The following SCFD2 variants were observed in gnomAD, a reference collection of about 807,000 sequenced individuals.
SCFD2 encodes sec1 family domain-containing protein 2.
Under a neutral mutation model 58.9 loss-of-function variants are expected in SCFD2, and 54 were observed. The observed-to-expected ratio is 0.92, with a 90% CI of 0.74 to 1.15. The LOEUF (loss-of-function observed/expected upper bound fraction) is 1.15. Ranked by LOEUF, SCFD2 falls within the 50% of genes most tolerant of loss-of-function variation. The pLI, the probability that SCFD2 is intolerant of heterozygous loss-of-function variation, is 0.00. For missense variants in SCFD2, 805 were observed against 836.6 expected (o/e 0.96, Z 0.47); for synonymous variants, 321 against 335.9 (o/e 0.96, Z 0.49).
At chr4:53,032,564 C>T (rs1343722934) in intron 5 of SCFD2, among the ~76,000 whole-genome samples, 2 of 152,130 alleles carry the variant, frequency 1.3e-5, no homozygotes, top group Non-Finnish European at 2.9e-5. Context: ...TGCAAAGACA[C>T]ACATAAGCTC....
At chr4:53,139,757 G>T (rs62570978) in intron 5 of SCFD2, among the ~76,000 whole-genome samples, 5 of 151,670 alleles carry the variant, frequency 3.3e-5, no homozygotes, top group African/African-American at 1.2e-4. Context: ...TGGTTTTGTC[G>T]AATAGAAAGG....
Position 52,943,202 on chromosome 4 carries a change from CTG to C in SCFD2, c.1562-22334_1562-22333del, listed in dbSNP as rs149475263. ...TTCCAAACATCCCATATTAAAGAAA[CTG>C]TCAGTAACTCATGCCTTAAACAAAA... On this transcript the variant is annotated intron_variant, in intron 5 of 8. Coordinates refer to ENST00000401642, the MANE Select transcript of SCFD2 (RefSeq NM_152540.4). Among the ~76,000 whole-genome samples, 4 of 151,462 alleles carry C rather than the reference CTG, an allele frequency of 2.6e-5. No individual in the cohort carries two copies. In the East Asian group the frequency reaches 5.8e-4, roughly 22 times the overall value.
At chr4:53,149,264 G>A (rs2148916425) in intron 4 of SCFD2, among the ~76,000 whole-genome samples, 1 of 152,282 alleles carries the variant, frequency 6.6e-6, no homozygotes, top group African/African-American at 2.4e-5. Context: ...AATTCAAGAT[G>A]AGTCTGCAAA....
At chr4:52,986,384 T>C (rs925445714) in intron 5 of SCFD2, among the ~76,000 whole-genome samples, 3 of 151,888 alleles carry the variant, frequency 2.0e-5, no homozygotes, top group African/African-American at 4.8e-5. Context: ...GAGCTTGTGA[T>C]AGAAGTCAAT....
At position 52,920,730 on chromosome 4, in the gene SCFD2, G is replaced by A; in HGVS notation, c.1702C>T (p.His568Tyr). 1.9e-6 allele frequency: 3 copies of A among 1,598,682 alleles called. No homozygotes were observed. The highest frequency in any genetic ancestry group is 2.6e-6 in the Non-Finnish European group (3 of 1,171,196). ...TTTAAAACGTATATACTTGCCTGGT[G>A]GGTATGATTTCCAGGAACATATACA... ...KSVYVPGNHTHQASYKPLLKQ... is the reference protein window; with the variant it reads ...KSVYVPGNHTYQASYKPLLKQ... The change falls in exon 6 of 9, where the codon CAC becomes TAC. Residue 568 changes from histidine (H) to tyrosine (Y), a missense_variant. His to Tyr is a moderately conservative substitution (Grantham distance 83). Coordinates refer to ENST00000401642, the MANE Select transcript of SCFD2 (RefSeq NM_152540.4).
At chr4:53,335,191 T>C (rs1279289226) in intron 2 of SCFD2, among the ~76,000 whole-genome samples, 2 of 35,222 alleles carry the variant, frequency 5.7e-5, no homozygotes, top group South Asian at 1.7e-3. Context: ...TGAGACTCCG[T>C]CTCAAAAAAA....
rs571456431 is a variant in SCFD2 at position 52,927,049 on chromosome 4, T to C, written c.1562-6179A>G. ...CTGACTGTATAAAACCCCTCTTGAG[T>C]AGGACAGTCCCGGGAAGTGCATAAG... On this transcript the variant is annotated intron_variant, in intron 5 of 8. Coordinates refer to ENST00000401642, the MANE Select transcript of SCFD2 (RefSeq NM_152540.4). 2.3e-4 allele frequency among the ~76,000 whole-genome samples: 35 copies of C among 152,202 alleles called. 1 individual carries two copies. In the South Asian group the frequency reaches 6.4e-3, roughly 28 times the overall value.
intron 5 of SCFD2, among the ~76,000 whole-genome samples, chr4:53,073,341 T>C (rs898929389): frequency 3.9e-5 from 6 of 152,142 alleles, no homozygotes; most frequent in Non-Finnish European, 8.8e-5. Context: ...GGGATGATTG[T>C]ATGTGTTATT....
intron 4 of SCFD2, among the ~76,000 whole-genome samples, chr4:53,189,471 G>C (rs572068339): frequency 6.6e-6 from 1 of 152,274 alleles, no homozygotes; most frequent in African/African-American, 2.4e-5. Flanking sequence ...GGACTGGGTA[G>C]CTTAAACAAG....
At chr4:53,016,185 A>G (rs1449567077) in intron 5 of SCFD2, among the ~76,000 whole-genome samples, 1 of 152,376 alleles carries the variant, frequency 6.6e-6, no homozygotes, top group Middle Eastern at 3.4e-3. Flanking sequence ...AAGCTCTCAG[A>G]ATAATGAGAA....
intron 4 of SCFD2, among the ~76,000 whole-genome samples, chr4:53,258,208 T>C (rs1193738193): frequency 3.9e-5 from 6 of 152,162 alleles, no homozygotes; most frequent in East Asian, 1.9e-4. Flanking sequence ...GAGAAACAAA[T>C]GGTATTTGGT....
At chr4:52,901,869 C>A (rs931372505) in intron 7 of SCFD2, among the ~76,000 whole-genome samples, 1 of 152,222 alleles carries the variant, frequency 6.6e-6, no homozygotes, top group Non-Finnish European at 1.5e-5. Context: ...GCTACCCTGA[C>A]TTTCCTATCG....
intron 5 of SCFD2, among the ~76,000 whole-genome samples, chr4:53,046,447 A>G (rs1290875496): frequency 3.3e-5 from 5 of 152,068 alleles, no homozygotes; most frequent in African/African-American, 9.7e-5. Flanking sequence ...ACTCCTGAGC[A>G]CAAGCAATCT....
At chr4:53,179,667 A>C (rs2148946177) in intron 4 of SCFD2, among the ~76,000 whole-genome samples, 1 of 152,330 alleles carries the variant, frequency 6.6e-6, no homozygotes, top group South Asian at 2.1e-4. Context: ...CTTTAAATGT[A>C]AATGGACTAA....
chr4:53,316,394 G>A (rs1489314971), intron 2 of SCFD2, among the ~76,000 whole-genome samples: 2 of 152,112 alleles, frequency 1.3e-5, no homozygotes, highest in Admixed American at 6.5e-5. Flanking sequence ...CATAATTAAT[G>A]CTCTCTTTTT....
rs566610240 is a variant in SCFD2 at position 53,311,930 on chromosome 4, G to C, written c.1135+1706C>G. Among the ~76,000 whole-genome samples, 7 of 152,124 alleles carry C rather than the reference G, an allele frequency of 4.6e-5. No individual in the cohort carries two copies. The South Asian group carries it at 1.5e-3, about 32-fold the overall frequency. ...ATTATAGTCGAGAGCCACTGCGTCC[G>C]GCCGATTCACAATATTAATTAGTTC... On this transcript the variant is annotated intron_variant, in intron 3 of 8. Transcript: ENST00000401642.
intron 5 of SCFD2, among the ~76,000 whole-genome samples, chr4:53,018,231 G>A (rs1344217285): frequency 6.6e-6 from 1 of 152,074 alleles, no homozygotes; most frequent in Non-Finnish European, 1.5e-5. Context: ...GAGCAGTTAA[G>A]AAAAAGTTGA....
In SCFD2 at chr4:53,044,916, C is replaced by CCCCCGCCA. The variant is rs59844812; in HGVS notation, c.1561+100416_1561+100417insTGGCGGGG. On this transcript the variant is annotated intron_variant, in intron 5 of 8. Transcript: ENST00000401642. Reference sequence around the variant, plus strand: ...CCACCTCCACCCCCAACCCCCCCCCCCCGCCCACAAAAAACTTGCTTTGAG... The same window carrying CCCCCGCCA: ...CCACCTCCACCCCCAACCCCCCCCCCCCCCGCCACCGCCCACAAAAAACTTGCTTTGAG... Among the ~76,000 whole-genome samples the CCCCCGCCA allele has an allele frequency of 7.1e-4, 78 of 110,242 alleles. 2 individuals carry two copies. The highest frequency in any genetic ancestry group is 6.9e-3 in the South Asian group (20 of 2,900). 72.3% of individuals were successfully genotyped at this position (110,242 alleles called of 152,430 possible).
intron 3 of SCFD2, among the ~76,000 whole-genome samples, chr4:53,308,919 A>G (rs1368816655): frequency 1.3e-5 from 2 of 152,124 alleles, no homozygotes; most frequent in African/African-American, 2.4e-5. Context: ...TCACAAGGTC[A>G]TGAGTTTGAG....
Sources: allele counts gnomAD v4.1 joint callset (sites outside exome capture counted in the v4.1 genomes callset), GRCh38; gene constraint gnomAD v4.1.1; transcripts MANE v1.5; gene names NCBI Gene and HGNC (gene_info 2026-07-23, HGNC 2026-07-21).